Variants in EP400 observed in about 807,000 individuals in gnomAD.
EP400 encodes E1A binding protein p400.
EP400 carries 105 observed loss-of-function variants against 354.1 expected under a neutral mutation model. The observed-to-expected ratio is 0.30, with a 90% CI of 0.25 to 0.35. EP400 has a LOEUF of 0.35. EP400 is among the 10% of genes least tolerant of loss of function. The pLI is 1.00. For synonymous variants in EP400, 1,646 were observed against 1,716.9 expected (o/e 0.96, Z 1.02); for missense variants, 3,280 against 4,121.0 (o/e 0.80, Z 5.59).
chr12:132,037,872 G>A (rs1048804432), intron 31 of EP400, 79 bp downstream of exon 31: 3 of 1,610,442 alleles, frequency 1.9e-6, no homozygotes, highest in South Asian at 1.1e-5. Context: ...GTGCACACTA[G>A]CAAGGGGCTT....
In EP400 at chr12:132,006,681, T is replaced by C; in HGVS notation, c.3127-19T>C. ...TTATTTTGACGAGCTGTCATTCTTTTATTTGTTCATCACTGCAGGTCAAGT... is the reference window on the plus strand; with the variant it reads ...TTATTTTGACGAGCTGTCATTCTTTCATTTGTTCATCACTGCAGGTCAAGT... On this transcript the variant is annotated intron_variant, in intron 14 of 52. Transcript: ENST00000389561. 6.4e-7 allele frequency: 1 copy of C among 1,554,174 alleles called. No individual in the cohort carries two copies. Among genetic ancestry groups the C allele is most frequent in the Non-Finnish European group, 8.7e-7 (1 of 1,153,660 alleles).
intron 15 of EP400, among the ~76,000 whole-genome samples, chr12:132,007,127 T>C (rs374983049): frequency 1.3e-5 from 2 of 152,256 alleles, no homozygotes; most frequent in South Asian, 2.1e-4. Context: ...TGACTGAACC[T>C]TGTGACTCCA....
intron 30 of EP400, among the ~76,000 whole-genome samples, chr12:132,035,985 C>T (rs1394253087): frequency 1.3e-5 from 2 of 149,012 alleles, no homozygotes; most frequent in South Asian, 2.1e-4. Context: ...CCCAGGTTCA[C>T]ACGGAACGTC....
intron 5 of EP400, 69 bp downstream of exon 5, chr12:131,982,547 A>G (rs1892717535): frequency 1.5e-5 from 22 of 1,516,826 alleles, no homozygotes; most frequent in Non-Finnish European, 1.9e-5. Flanking sequence ...TGTGTTAGAC[A>G]GAGTGTCACA....
At chr12:132,069,347 G>A in intron 50 of EP400, 148 bp from the exon 51 acceptor site, 12 of 1,110,832 alleles carry the variant, frequency 1.1e-5, no homozygotes, top group Non-Finnish European at 1.5e-5. Flanking sequence ...GGGACAGGGG[G>A]CAGGAGATGT....
Position 132,013,421 on chromosome 12 carries a change from A to G in EP400, c.3612-69A>G, listed in dbSNP as rs1475584849. 1.5e-5 allele frequency: 23 copies of G among 1,497,490 alleles called. No individual in the cohort carries two copies. The Admixed American group carries it at 5.0e-4, about 32-fold the overall frequency. The allele number at this position is 1,497,490 out of a possible 1,614,324, so 92.8% of individuals were successfully genotyped here. Reference sequence around the variant, plus strand: ...ACTGTCCCTTTTCTCACACATTGTCAGAGAAGATGCTGCTGCAGCCAGCCC... The same window carrying G: ...ACTGTCCCTTTTCTCACACATTGTCGGAGAAGATGCTGCTGCAGCCAGCCC... On this transcript the variant is annotated intron_variant, in intron 17 of 52. Coordinates refer to ENST00000389561, the MANE Select transcript of EP400 (RefSeq NM_015409.5). The surrounding 1 kb of genome is among the most constrained non-coding windows in gnomAD (Gnocchi z 4.5).
intron 47 of EP400, among the ~76,000 whole-genome samples, chr12:132,063,397 C>T (rs911392171): frequency 1.3e-5 from 2 of 152,094 alleles, no homozygotes; most frequent in African/African-American, 4.8e-5. Flanking sequence ...CCTGTAATCC[C>T]AGCTGAGGCC....
At chr12:131,996,324 C>T (rs1347210969) in intron 12 of EP400, among the ~76,000 whole-genome samples, 3 of 133,970 alleles carry the variant, frequency 2.2e-5, no homozygotes, top group East Asian at 2.1e-4. Flanking sequence ...GATGGAGTCT[C>T]GCTGTCACCC....
chr12:132,028,888 G>A lies in EP400; in HGVS notation c.5381+600G>A, dbSNP rs74609516. On this transcript the variant is annotated intron_variant, in intron 27 of 52. Transcript: ENST00000389561. Reference sequence around the variant, plus strand: ...TCTCAGTTGTCTCCTGTCTGCAGAGGGCAACCTGGCTTCTTCCTGTGCCTT... The same window carrying A: ...TCTCAGTTGTCTCCTGTCTGCAGAGAGCAACCTGGCTTCTTCCTGTGCCTT... 2.0e-3 allele frequency: 302 copies of A among 153,272 alleles called. 1 individual carries two copies. The highest frequency in any genetic ancestry group is 5.6e-3 in the African/African-American group (231 of 41,530). 9.5% of individuals were successfully genotyped at this position (153,272 alleles called of 1,614,324 possible). A position where few individuals can be genotyped will look rare whatever the true frequency, so the allele number is the denominator to read the frequency against.
chr12:132,066,998 TG>T (rs771429761), intron 49 of EP400, 29 bp downstream of exon 49: 8 of 1,541,082 alleles, frequency 5.2e-6, no homozygotes, highest in Non-Finnish European at 7.0e-6. Flanking sequence ...CCTCCCGTCC[TG>T]GGCTTGAGCC....
At chr12:132,026,741 C>T (rs776030941) in intron 25 of EP400, among the ~76,000 whole-genome samples, 40 of 152,186 alleles carry the variant, frequency 2.6e-4, no homozygotes, top group Non-Finnish European at 5.0e-4. Context: ...TGAGCTCAGA[C>T]ACCCCCACCC....
Position 131,982,289 on chromosome 12 carries a change from G to A in EP400, c.1740G>A (p.Gln580=). 6.2e-7 allele frequency: 1 copy of A among 1,614,174 alleles called. No individual in the cohort carries two copies. Among genetic ancestry groups the A allele is most frequent in the South Asian group, 1.1e-5 (1 of 91,092 alleles). ...CCTCTGCGCTGCAGTTTGCACAGCA[G>A]CCGCAAGTGGTAGAGGCCCAGACAC... is the stretch of plus-strand genomic sequence containing the variant. ...ALSSALQFAQ[Q]PQVVEAQTQL... The change falls in exon 5 of 53, where the codon CAG becomes CAA. Residue 580 remains glutamine (Q), a synonymous_variant. Transcript: ENST00000389561.
chr12:132,077,160 G>C (rs1210020349), intron 52 of EP400, among the ~76,000 whole-genome samples: 1 of 152,230 alleles, frequency 6.6e-6, no homozygotes, highest in African/African-American at 2.4e-5. Context: ...CCCTGACCCA[G>C]CTCTCACCCT....
intron 19 of EP400, among the ~76,000 whole-genome samples, chr12:132,016,757 C>T (rs1800427145): frequency 1.3e-5 from 2 of 152,188 alleles, no homozygotes; most frequent in South Asian, 4.1e-4. Context: ...TCACGTCCGG[C>T]GTGGCAGAAC....
chr12:132,013,054 A>C lies in EP400; in HGVS notation c.3487A>C (p.Thr1163Pro), dbSNP rs756283660. ...CTTCCACGTCTGCATCACGTCCTAC[A>C]CTCAGTTCTTCCGGGGCCTCACCGC... Reference protein sequence around the residue: ...NSFHVCITSYTQFFRGLTAFT... With the variant: ...NSFHVCITSYPQFFRGLTAFT... Residue 1163 changes from threonine (T) to proline (P), a missense_variant, in exon 17 of 53, where the codon ACT becomes CCT. Physicochemically the swap from Thr to Pro is conservative, Grantham distance 38. This residue lies in a region of EP400 where 242 missense variants were observed against 357.9 expected (regional missense o/e 0.68). Coordinates refer to ENST00000389561, the MANE Select transcript of EP400 (RefSeq NM_015409.5). This position sits in a 1 kb window ranked among gnomAD's most constrained non-coding sequence, Gnocchi z 4.5. 1 of 1,613,808 alleles carries C rather than the reference A, an allele frequency of 6.2e-7. No homozygotes were observed.
chr12:132,031,314 A>C (rs1440299821), intron 29 of EP400: 2 of 519,184 alleles, frequency 3.9e-6, no homozygotes, highest in South Asian at 2.8e-5. Context: ...ATCCCTCCCC[A>C]GTAAGACGCT....
intron 9 of EP400, 146 bp from the exon 10 acceptor site, chr12:131,991,261 G>A: frequency 1.3e-6 from 1 of 743,340 alleles, no homozygotes; most frequent in Non-Finnish European, 2.4e-6. Context: ...CCACTGCCCT[G>A]CGTGATGATG....
chr12:131,981,397 T>C, intron 3 of EP400, 92 bp from the exon 4 acceptor site: 1 of 1,041,906 alleles, frequency 9.6e-7, no homozygotes, highest in Non-Finnish European at 1.4e-6. Context: ...GGCCTCCCTT[T>C]TCCAAGATGA....
intron 9 of EP400, among the ~76,000 whole-genome samples, chr12:131,991,107 CCAGTGG>C (rs1335768102): frequency 6.6e-6 from 1 of 152,160 alleles, no homozygotes; most frequent in African/African-American, 2.4e-5. Flanking sequence ...GTGCACGGCA[CCAGTGG>C]CAGCAGCATT....
Sources: allele counts gnomAD v4.1 joint callset (sites outside exome capture counted in the v4.1 genomes callset), GRCh38; gene constraint gnomAD v4.1.1; regional missense constraint gnomAD v4.1.1; non-coding constraint Gnocchi (gnomAD v3.1); transcripts MANE v1.5; gene names NCBI Gene and HGNC (gene_info 2026-07-23, HGNC 2026-07-21).